Variants in ZBBX observed in about 807,000 individuals in gnomAD.
The protein encoded by ZBBX is zinc finger B-box domain containing.
ZBBX carries 101 observed loss-of-function variants against 108.5 expected under a neutral mutation model. That is an observed-to-expected ratio of 0.93 (90% CI 0.79 to 1.10). The LOEUF is 1.10. Ranked by LOEUF, ZBBX falls within the 50% of genes least tolerant of loss-of-function variation. The pLI, the probability that ZBBX is intolerant of heterozygous loss-of-function variation, is 0.00. For missense variants in ZBBX, 1,009 were observed against 941.4 expected (o/e 1.07, Z -0.94); for synonymous variants, 356 against 323.4 (o/e 1.10, Z -1.08).
chr3:167,343,565 A>C (rs1217629822), intron 9 of ZBBX, among the ~76,000 whole-genome samples: 1 of 151,940 alleles, frequency 6.6e-6, no homozygotes, highest in Non-Finnish European at 1.5e-5. Context: ...GTCTTCGAAA[A>C]ATTCTTGTCA....
rs371004358 is a variant in ZBBX, at chr3:167,345,527, A to T, written c.528+4893T>A. On this transcript the variant is annotated intron_variant, in intron 9 of 21. Transcript: ENST00000675490. ...ATACATTTTTTCAAAATATTTACAT[A>T]CCTGGACTCTAAAATCATGTGACTT... is the stretch of plus-strand genomic sequence containing the variant. 1.4e-4 allele frequency among the ~76,000 whole-genome samples: 22 copies of T among 152,004 alleles called. No homozygotes were observed. In the East Asian group the frequency reaches 3.5e-3, roughly 24 times the overall value.
chr3:167,269,407 A>G (rs1219512837), intron 20 of ZBBX, among the ~76,000 whole-genome samples: 1 of 152,228 alleles, frequency 6.6e-6, no homozygotes, highest in African/African-American at 2.4e-5. Flanking sequence ...ACTTATTAGG[A>G]AGAGAATTAA....
intron 17 of ZBBX, 117 bp from the exon 18 acceptor site, chr3:167,298,575 CAA>C: frequency 1.4e-6 from 1 of 709,074 alleles, no homozygotes; most frequent in Non-Finnish European, 2.1e-6. Flanking sequence ...CTTCCCTCAT[CAA>C]GTTTAGTTTC....
chr3:167,287,519 G>C (rs1327874376), intron 19 of ZBBX, among the ~76,000 whole-genome samples: 1 of 152,084 alleles, frequency 6.6e-6, no homozygotes, highest in Non-Finnish European at 1.5e-5. Context: ...AGAGATAAGA[G>C]TTTGTTTTGT....
chr3:167,226,278 A>G, the ZBBX span, among the ~76,000 whole-genome samples: 1 of 151,826 alleles, frequency 6.6e-6, no homozygotes, highest in Non-Finnish European at 1.5e-5. Flanking sequence ...GTTAACATAC[A>G]TTTATAGGTC....
chr3:167,349,981 C>T (rs1472084142), intron 9 of ZBBX, among the ~76,000 whole-genome samples: 2 of 151,388 alleles, frequency 1.3e-5, no homozygotes, highest in African/African-American at 4.8e-5. Flanking sequence ...AAAATAGAAA[C>T]CTGAGAGATA....
chr3:167,359,765 C>T (rs1468899498), intron 8 of ZBBX, 105 bp downstream of exon 8: 9 of 459,408 alleles, frequency 2.0e-5, no homozygotes, highest in African/African-American at 1.4e-4. Flanking sequence ...GGCTACCAAG[C>T]AAGTTAAGTT....
the ZBBX span, among the ~76,000 whole-genome samples, chr3:167,206,042 G>C: frequency 6.6e-6 from 1 of 151,874 alleles, no homozygotes; most frequent in African/African-American, 2.4e-5. Context: ...CCAGCATATA[G>C]TACAATATTA....
chr3:167,304,176 C>T (rs984630426), intron 17 of ZBBX, among the ~76,000 whole-genome samples: 3 of 152,162 alleles, frequency 2.0e-5, no homozygotes, highest in African/African-American at 7.2e-5. Flanking sequence ...GATTGAGTCT[C>T]TCTCTCTAGA....
chr3:167,372,718 A>G, intron 4 of ZBBX, 116 bp downstream of exon 4: 1 of 553,752 alleles, frequency 1.8e-6, no homozygotes, highest in Non-Finnish European at 3.2e-6. Context: ...ATATTCTTAT[A>G]GATAAAAATA....
chr3:167,301,981 C>G (rs1205634584), intron 17 of ZBBX, among the ~76,000 whole-genome samples: 3 of 144,734 alleles, frequency 2.1e-5, no homozygotes, highest in Non-Finnish European at 4.5e-5. Context: ...AAAAAAAAAC[C>G]TAGACATATT....
At chr3:167,211,403 T>C in the ZBBX span, among the ~76,000 whole-genome samples, 2 of 152,142 alleles carry the variant, frequency 1.3e-5, no homozygotes, top group Non-Finnish European at 2.9e-5. Flanking sequence ...GCTGCAGCTC[T>C]GGCAAAGTGG....
chr3:167,380,746 T>C (rs374820455), upstream of ZBBX, among the ~76,000 whole-genome samples: 1 of 152,102 alleles, frequency 6.6e-6, no homozygotes, highest in Admixed American at 6.5e-5. Flanking sequence ...ATGGCTACCA[T>C]AGGCAAAGTC....
intron 19 of ZBBX, among the ~76,000 whole-genome samples, chr3:167,286,874 G>A (rs779232772): frequency 3.9e-5 from 6 of 152,042 alleles, no homozygotes; most frequent in Non-Finnish European, 5.9e-5. Flanking sequence ...TTATGGAAAT[G>A]GGAATTCCTC....
At chr3:167,383,000 T>C (rs1479515304), upstream of ZBBX, among the ~76,000 whole-genome samples, 1 of 152,284 alleles carries the variant, frequency 6.6e-6, no homozygotes, top group East Asian at 1.9e-4. Flanking sequence ...CAAATTTTCT[T>C]TGAACCAGCT....
At chr3:167,316,246 A>G (rs1472252694) in intron 14 of ZBBX, among the ~76,000 whole-genome samples, 1 of 152,126 alleles carries the variant, frequency 6.6e-6, no homozygotes, top group Non-Finnish European at 1.5e-5. Context: ...GAGAAATAAA[A>G]ATGTTGTTAG....
the ZBBX span, among the ~76,000 whole-genome samples, chr3:167,222,868 G>A: frequency 2.0e-5 from 3 of 151,868 alleles, no homozygotes; most frequent in East Asian, 1.9e-4. Flanking sequence ...AAAGTCCAAT[G>A]TTTTATAGCA....
chr3:167,217,724 G>A, the ZBBX span, among the ~76,000 whole-genome samples: 3 of 151,950 alleles, frequency 2.0e-5, no homozygotes, highest in Non-Finnish European at 2.9e-5. Context: ...AATGCCCATC[G>A]ATGTCACAGT....
the ZBBX span, among the ~76,000 whole-genome samples, chr3:167,190,288 T>C: frequency 1.3e-5 from 2 of 152,052 alleles, no homozygotes; most frequent in African/African-American, 4.8e-5. Flanking sequence ...AACCATAATT[T>C]CATCATCAAT....
Sources: gnomAD v4.1 joint callset for allele counts (sites outside exome capture counted in the v4.1 genomes callset) on GRCh38, gnomAD v4.1.1 for gene constraint, MANE v1.5 for transcripts, NCBI Gene and HGNC (gene_info 2026-07-23, HGNC 2026-07-21) for gene names.